Variants in USP5 observed in about 807,000 individuals in gnomAD.
USP5 encodes ubiquitin specific peptidase 5.
Under a neutral mutation model 102.5 loss-of-function variants are expected in USP5, and 24 were observed. The observed-to-expected ratio is 0.23, with a 90% CI of 0.17 to 0.33. The LOEUF (loss-of-function observed/expected upper bound fraction) is 0.33, where lower values mean the gene tolerates loss of function less well. USP5 is among the 10% of genes least tolerant of loss of function. USP5 has a pLI of 1.00. For missense variants in USP5, 753 were observed against 1,122.1 expected (o/e 0.67, Z 4.70); for synonymous variants, 460 against 434.8 (o/e 1.06, Z -0.72).
Position 6,864,717 on chromosome 12 carries a change from C to T in USP5, c.2245-5C>T. 6.2e-7 allele frequency: 1 copy of T among 1,605,772 alleles called. No homozygotes were observed. The highest frequency in any genetic ancestry group is 8.5e-7 in the Non-Finnish European group (1 of 1,178,860). On this transcript the variant is annotated splice_region_variant and splice_polypyrimidine_tract_variant and intron_variant, in intron 17 of 19. Coordinates refer to ENST00000229268, the MANE Select transcript of USP5 (RefSeq NM_001098536.2). The surrounding 1 kb of genome is among the most constrained non-coding windows in gnomAD (Gnocchi z 4.8). ...AAAAAAAGTAATGCTTCCTTCCTCTCCAAGAACAATAGTTTAGAACGGGCT... is the reference window on the plus strand; with the variant it reads ...AAAAAAAGTAATGCTTCCTTCCTCTTCAAGAACAATAGTTTAGAACGGGCT...
intron 1 of USP5, among the ~76,000 whole-genome samples, chr12:6,852,687 C>T (rs1267326079): frequency 1.3e-5 from 2 of 152,114 alleles, no homozygotes; most frequent in Non-Finnish European, 2.9e-5. Context: ...GTGATGGGGA[C>T]GACTCCCCAC....
chr12:6,852,673 A>C (rs1191085192), intron 1 of USP5, among the ~76,000 whole-genome samples: 2 of 152,158 alleles, frequency 1.3e-5, no homozygotes, highest in Non-Finnish European at 2.9e-5. Context: ...AGTCTCGTGT[A>C]GGAGTGATGG....
intron 1 of USP5, 130 bp downstream of exon 1, chr12:6,852,420 C>G: frequency 2.1e-6 from 2 of 959,532 alleles, no homozygotes; most frequent in Admixed American, 2.4e-5. Context: ...CTCCCACGCT[C>G]CACTCTGCCG....
At chr12:6,854,317 A>G (rs1944045119) in intron 1 of USP5, among the ~76,000 whole-genome samples, 1 of 152,138 alleles carries the variant, frequency 6.6e-6, no homozygotes, top group Non-Finnish European at 1.5e-5. Context: ...GCTGGACTTC[A>G]TGACCCTGCC....
Position 6,855,994 on chromosome 12 carries a change from C to T in USP5, c.305-23C>T, listed in dbSNP as rs782615000. The T allele has an allele frequency of 1.2e-6, 2 of 1,613,838 alleles. No individual in the cohort carries two copies. The highest frequency in any genetic ancestry group is 1.7e-5 in the Admixed American group (1 of 59,996). ...GACCTGTTGTCATTGCTCTACTCTC[C>T]CTCTTCTTCCCTATCCTTCCAGGTG... is the stretch of plus-strand genomic sequence containing the variant. On this transcript the variant is annotated intron_variant, in intron 3 of 19. Coordinates refer to ENST00000229268, the MANE Select transcript of USP5 (RefSeq NM_001098536.2). This position sits in a 1 kb window ranked among gnomAD's most constrained non-coding sequence, Gnocchi z 4.6.
chr12:6,852,426 T>G, intron 1 of USP5, 136 bp downstream of exon 1: 1 of 921,322 alleles, frequency 1.1e-6, no homozygotes, highest in South Asian at 1.7e-5. Context: ...CGCTCCACTC[T>G]GCCGTTGCCT....
intron 1 of USP5, among the ~76,000 whole-genome samples, chr12:6,852,998 G>A (rs1943985129): frequency 6.7e-6 from 1 of 149,168 alleles, no homozygotes; most frequent in South Asian, 2.1e-4. Flanking sequence ...CTCGGAGGAT[G>A]CTAAGGCCTC....
chr12:6,852,992 G>GAAC (rs1268311407), intron 1 of USP5, among the ~76,000 whole-genome samples: 26 of 150,528 alleles, frequency 1.7e-4, no homozygotes, highest in African/African-American at 5.9e-4. Context: ...TTCTTTCTCG[G>GAAC]AGGATGCTAA....
At position 6,866,418 on chromosome 12, in the gene USP5, G is replaced by A; in HGVS notation, c.*341G>A. 1 of 269,646 alleles carries A rather than the reference G, an allele frequency of 3.7e-6. No homozygotes were observed. Among genetic ancestry groups the A allele is most frequent in the Non-Finnish European group, 7.3e-6 (1 of 136,838 alleles). 16.7% of individuals were successfully genotyped at this position (269,646 alleles called of 1,614,324 possible). On this transcript the variant is annotated 3_prime_UTR_variant, in exon 20 of 20. Transcript: ENST00000229268. The surrounding 1 kb of genome is among the most constrained non-coding windows in gnomAD (Gnocchi z 4.7). ...GGAGGGGTCTCGTTTGTGCGCGTGG[G>A]TGTAGCTTTGTGCATCCTCTCCCAG...
At position 6,864,148 on chromosome 12, in the gene USP5, T is replaced by C. The variant is rs1555130211; in HGVS notation, c.2197T>C (p.Ser733Pro). 5 of 1,613,806 alleles carry C rather than the reference T, an allele frequency of 3.1e-6. No individual in the cohort carries two copies. The highest frequency in any genetic ancestry group is 1.3e-5 in the African/African-American group (1 of 75,034). Residue 733 changes from serine to proline, a missense_variant, in exon 17 of 20, where the codon TCC becomes CCC. Physicochemically the swap from Ser to Pro is moderately conservative, Grantham distance 74. This residue lies in a region of USP5 where 193 missense variants were observed against 230.2 expected (regional missense o/e 0.84). Transcript: ENST00000229268. The surrounding 1 kb of genome is among the most constrained non-coding windows in gnomAD (Gnocchi z 4.8). ...TGAGGACTGTGTGACCACCATTGTC[T>C]CCATGGGCTTCTCCCGGGACCAGGC... is the stretch of plus-strand genomic sequence containing the variant. ...PPEDCVTTIV[S>P]MGFSRDQALK...
In USP5 at chr12:6,856,346, C is replaced by T. The variant is rs1274038152; in HGVS notation, c.480C>T (p.Ala160=). The change falls in exon 5 of 20, where the codon GCC becomes GCT. Residue 160 remains alanine (A), a synonymous_variant. Coordinates refer to ENST00000229268, the MANE Select transcript of USP5 (RefSeq NM_001098536.2). This position sits in a 1 kb window ranked among gnomAD's most constrained non-coding sequence, Gnocchi z 5.6. ...AGGCCCTACTGTCGGCCGACTCAGC[C>T]TCCCGCAAGCAGGAGGTGCAGGCAT... ...AVEALLSADS[A]SRKQEVQAWD... The T allele has an allele frequency of 6.2e-7, 1 of 1,613,958 alleles. No individual in the cohort carries two copies. Among genetic ancestry groups the T allele is most frequent in the Admixed American group, 1.7e-5 (1 of 60,014 alleles).
Position 6,859,482 on chromosome 12 carries a change from G to A in USP5, c.1071G>A (p.Lys357=). ...CCTTGACTTTTAGGTATGTGGATAAGCTGGAGAAGATCTTCCAGAATGCCC... is the reference window on the plus strand; with the variant it reads ...CCTTGACTTTTAGGTATGTGGATAAACTGGAGAAGATCTTCCAGAATGCCC... ...IPDFQRKYVD[K]LEKIFQNAPT... is the part of the protein sequence containing the mutation. Residue 357 remains lysine, a synonymous_variant, in exon 9 of 20, where the codon AAG becomes AAA. Coordinates refer to ENST00000229268, the MANE Select transcript of USP5 (RefSeq NM_001098536.2). 1.2e-6 allele frequency: 2 copies of A among 1,614,190 alleles called. No homozygotes were observed. The highest frequency in any genetic ancestry group is 1.7e-6 in the Non-Finnish European group (2 of 1,180,020).
intron 6 of USP5, chr12:6,857,252 C>A: frequency 3.0e-6 from 1 of 329,034 alleles, no homozygotes; most frequent in South Asian, 3.9e-5. Context: ...GCTATGATTG[C>A]ACCACTGGAC....
At chr12:6,854,913 G>A (rs1307355981) in intron 1 of USP5, among the ~76,000 whole-genome samples, 1 of 152,108 alleles carries the variant, frequency 6.6e-6, no homozygotes, top group Non-Finnish European at 1.5e-5. Flanking sequence ...GTGTCCCCTG[G>A]TTTGGGTTCA....
chr12:6,852,303 C>A lies in USP5; in HGVS notation c.111+13C>A. 1 of 1,599,112 alleles carries A rather than the reference C, an allele frequency of 6.3e-7. No homozygotes were observed. On this transcript the variant is annotated intron_variant, in intron 1 of 19. Coordinates refer to ENST00000229268, the MANE Select transcript of USP5 (RefSeq NM_001098536.2). ...CTTCGACACGCCGGTAAGCCCATTC[C>A]CCACGCCCGCAACGAGCACGACTTC...
At chr12:6,865,366 AAGTGCCAGAG>A in intron 19 of USP5, 118 bp downstream of exon 19, 3 of 919,654 alleles carry the variant, frequency 3.3e-6, no homozygotes, top group Non-Finnish European at 5.0e-6. Context: ...TGGGGACATA[AAGTGCCAGAG>A]AGTGACAGAA....
chr12:6,857,394 A>G (rs1216146574), intron 6 of USP5: 7 of 504,992 alleles, frequency 1.4e-5, no homozygotes, highest in Non-Finnish European at 2.5e-5. Context: ...CTATACAGGT[A>G]GAATCAGAAT....
In USP5 at chr12:6,856,622, C is replaced by T; in HGVS notation, c.585-85C>T. 11 of 1,541,406 alleles carry T rather than the reference C, an allele frequency of 7.1e-6. No homozygotes were observed. Among genetic ancestry groups the T allele is most frequent in the South Asian group, 2.4e-5 (2 of 82,108 alleles). ...AGAAGAGAGAGAGACCTTGGATTGGCGGGGGGCCTGCAGAGCCCTCTCTCT... is the reference window on the plus strand; with the variant it reads ...AGAAGAGAGAGAGACCTTGGATTGGTGGGGGGCCTGCAGAGCCCTCTCTCT... On this transcript the variant is annotated intron_variant, in intron 5 of 19. Transcript: ENST00000229268. The surrounding 1 kb of genome is among the most constrained non-coding windows in gnomAD (Gnocchi z 5.6).
Position 6,861,361 on chromosome 12 carries a change from G to C in USP5, c.1499-82G>C. 1 of 1,461,454 alleles carries C rather than the reference G, an allele frequency of 6.8e-7. No individual in the cohort carries two copies. Among genetic ancestry groups the C allele is most frequent in the Non-Finnish European group, 9.2e-7 (1 of 1,085,766 alleles). The allele number at this position is 1,461,454 out of a possible 1,614,324, so 90.5% of individuals were successfully genotyped here. A position where few individuals can be genotyped will look rare whatever the true frequency, so the allele number is the denominator to read the frequency against. On this transcript the variant is annotated intron_variant, in intron 12 of 19. Coordinates refer to ENST00000229268, the MANE Select transcript of USP5 (RefSeq NM_001098536.2). The surrounding 1 kb of genome is among the most constrained non-coding windows in gnomAD (Gnocchi z 4.9). ...TGGAAGGGTAGAGGAACTGAAATAC[G>C]GACACAGAGCCAGTAGGGAGAGGCT...
Sources: allele counts gnomAD v4.1 joint callset (sites outside exome capture counted in the v4.1 genomes callset), GRCh38; gene constraint gnomAD v4.1.1; regional missense constraint gnomAD v4.1.1; non-coding constraint Gnocchi (gnomAD v3.1); transcripts MANE v1.5; gene names NCBI Gene and HGNC (gene_info 2026-07-23, HGNC 2026-07-21).